Variants in ZBTB20 observed in about 807,000 individuals in gnomAD.
The protein encoded by ZBTB20 is zinc finger and BTB domain-containing protein 20.
Under a neutral mutation model 56.9 loss-of-function variants are expected in ZBTB20, and 9 were observed. The ratio of observed to expected loss-of-function variants is 0.16; its 90% CI spans 0.10 to 0.28. The LOEUF (loss-of-function observed/expected upper bound fraction) is 0.28. Ranked by LOEUF, ZBTB20 falls within the 10% of genes least tolerant of loss-of-function variation. The pLI is 1.00. For missense variants in ZBTB20, 655 were observed against 1,003.0 expected, an observed-to-expected ratio of 0.65 and a Z score of 4.69; for synonymous variants, 417 against 420.7, an observed-to-expected ratio of 0.99 and a Z score of 0.11.
At chr3:114,383,994 G>A (rs971897552) in intron 8 of ZBTB20, among the ~76,000 whole-genome samples, 2 of 152,132 alleles carry the variant, frequency 1.3e-5, no homozygotes, top group Admixed American at 6.5e-5. Context: ...TGACTCCAGC[G>A]GATTTCAGAG....
At chr3:114,719,313 T>C (rs1446371909) in intron 5 of ZBTB20, among the ~76,000 whole-genome samples, 4 of 152,192 alleles carry the variant, frequency 2.6e-5, no homozygotes, top group Admixed American at 1.3e-4. Flanking sequence ...TATGAATCCA[T>C]TGATAATGGC....
rs1230838239 is a variant in ZBTB20, at chr3:114,969,738, GTATGT to G, written c.-456+4623_-456+4627del. Among the ~76,000 whole-genome samples the G allele has an allele frequency of 5.9e-5, 9 of 152,258 alleles. No individual in the cohort carries two copies. In the East Asian group the frequency reaches 7.7e-4, roughly 13 times the overall value. On this transcript the variant is annotated intron_variant, in intron 3 of 11. Transcript: ENST00000675478. Reference sequence around the variant, plus strand: ...ATTCAGTTATAAGAAAGTATAATATGTATGTTATAACAGTAAAATTATAGATTTTT... The same window carrying G: ...ATTCAGTTATAAGAAAGTATAATATGTATAACAGTAAAATTATAGATTTTT...
chr3:114,820,322 A>T (rs931400542), intron 4 of ZBTB20, among the ~76,000 whole-genome samples: 2 of 152,038 alleles, frequency 1.3e-5, no homozygotes, highest in Non-Finnish European at 2.9e-5. Context: ...AATAAAATTA[A>T]TGCTAAGTGA....
intron 3 of ZBTB20, among the ~76,000 whole-genome samples, chr3:114,966,087 T>C (rs1180632429): frequency 1.3e-5 from 2 of 152,186 alleles, no homozygotes; most frequent in African/African-American, 4.8e-5. Context: ...AAAAAGACTT[T>C]CTACAGCTTA....
chr3:115,108,100 C>T (rs1293535598), intron 1 of ZBTB20, among the ~76,000 whole-genome samples: 3 of 151,538 alleles, frequency 2.0e-5, no homozygotes, highest in Non-Finnish European at 1.5e-5. Flanking sequence ...ACACGTATAC[C>T]TATGTAACAA....
In ZBTB20 at chr3:114,521,308, G is replaced by A. The variant is rs190404362; in HGVS notation, c.-294-20917C>T. 5.3e-4 allele frequency among the ~76,000 whole-genome samples: 80 copies of A among 152,204 alleles called. No homozygotes were observed. In the Middle Eastern group the frequency reaches 0.01, roughly 19 times the overall value. ...AATGATTTTGCCAAGGTCACCAGTA[G>A]ACACACTGAATGTTTTTATAGTCAC... is the stretch of plus-strand genomic sequence containing the variant. On this transcript the variant is annotated intron_variant, in intron 6 of 11. Coordinates refer to ENST00000675478, the MANE Select transcript of ZBTB20 (RefSeq NM_001348800.3).
At chr3:114,682,513 C>T (rs1378644645) in intron 6 of ZBTB20, among the ~76,000 whole-genome samples, 2 of 152,164 alleles carry the variant, frequency 1.3e-5, no homozygotes, top group African/African-American at 2.4e-5. Context: ...CTCTTCATCT[C>T]TAACCTACTG....
intron 10 of ZBTB20, among the ~76,000 whole-genome samples, chr3:114,356,657 T>C (rs2081284755): frequency 6.6e-6 from 1 of 152,158 alleles, no homozygotes; most frequent in South Asian, 2.1e-4. Context: ...CTTGCCAAGT[T>C]AGTCACACTA....
intron 1 of ZBTB20, among the ~76,000 whole-genome samples, chr3:115,072,245 T>C (rs1368292032): frequency 6.6e-6 from 1 of 152,174 alleles, no homozygotes; most frequent in Non-Finnish European, 1.5e-5. Flanking sequence ...TGAAGCTCTA[T>C]ATCACCCCAG....
chr3:114,403,852 C>A (rs1166100516), intron 7 of ZBTB20, among the ~76,000 whole-genome samples: 1 of 151,930 alleles, frequency 6.6e-6, no homozygotes, highest in Non-Finnish European at 1.5e-5. Context: ...TATGTGGGTC[C>A]CCAGCCACGT....
Position 114,500,199 on chromosome 3 carries a change from A to G in ZBTB20, c.-255+153T>C, listed in dbSNP as rs564718038. 3.7e-4 allele frequency among the ~76,000 whole-genome samples: 56 copies of G among 152,354 alleles called. 1 individual carries two copies. The highest frequency in any genetic ancestry group is 3.1e-3 in the Admixed American group (47 of 15,300). On this transcript the variant is annotated intron_variant, in intron 7 of 11. Transcript: ENST00000675478. Reference sequence around the variant, plus strand: ...GGATAGCAACTTAGTATTACCACCAACAGCATACACTCCAAACGCAAAAGA... The same window carrying G: ...GGATAGCAACTTAGTATTACCACCAGCAGCATACACTCCAAACGCAAAAGA...
At position 114,350,485 on chromosome 3, in the gene ZBTB20, G is replaced by A; in HGVS notation, c.1593C>T (p.Pro531=). Residue 531 remains proline (P), a synonymous_variant, in exon 11 of 12, where the codon CCC becomes CCT. Transcript: ENST00000675478. ...CAAACTGGGTCTGCTGGCCTGCCAGGGGCTGTGGCAGGCTGAAGAGGAAAG... is the reference window on the plus strand; with the variant it reads ...CAAACTGGGTCTGCTGGCCTGCCAGAGGCTGTGGCAGGCTGAAGAGGAAAG... The part of the protein sequence containing the change: ...PKPFLFSLPQ[P]LAGQQTQFVT... The A allele has an allele frequency of 6.2e-7, 1 of 1,614,136 alleles. No homozygotes were observed. The highest frequency in any genetic ancestry group is 8.5e-7 in the Non-Finnish European group (1 of 1,180,028).
intron 2 of ZBTB20, among the ~76,000 whole-genome samples, chr3:114,990,906 G>C (rs2078777074): frequency 6.6e-6 from 1 of 152,104 alleles, no homozygotes; most frequent in Admixed American, 6.5e-5. Flanking sequence ...GGTGTTTATA[G>C]TATTCTCTGA....
intron 4 of ZBTB20, among the ~76,000 whole-genome samples, chr3:114,831,087 CTTTTTTTTTTTTTTT>C (rs57265260): frequency 5.4e-5 from 3 of 55,550 alleles, no homozygotes; most frequent in Admixed American, 3.0e-4. Context: ...TTTCTTTCTT[CTTTTTTTTTTTTTTT>C]TTTTTTTTTT....
chr3:115,094,327 A>G (rs1350254152), intron 1 of ZBTB20, among the ~76,000 whole-genome samples: 2 of 152,074 alleles, frequency 1.3e-5, no homozygotes, highest in African/African-American at 4.8e-5. Flanking sequence ...AAGAAAAAAA[A>G]ACAAAAAATT....
At chr3:114,391,480 G>A (rs1380330287) in intron 7 of ZBTB20, among the ~76,000 whole-genome samples, 1 of 152,156 alleles carries the variant, frequency 6.6e-6, no homozygotes. Context: ...TCACAAAGGA[G>A]AGTGCCCTTC....
intron 4 of ZBTB20, among the ~76,000 whole-genome samples, chr3:114,871,368 CT>C (rs1420609098): frequency 2.6e-5 from 4 of 152,150 alleles, no homozygotes; most frequent in Admixed American, 2.0e-4. Flanking sequence ...TCTCTGCCTT[CT>C]TAGATACTCT....
intron 3 of ZBTB20, among the ~76,000 whole-genome samples, chr3:114,951,642 AG>A (rs964016950): frequency 6.6e-6 from 1 of 152,112 alleles, no homozygotes; most frequent in Non-Finnish European, 1.5e-5. Flanking sequence ...GAACCTAACC[AG>A]GTCAATTGCC....
At chr3:115,002,063 G>T (rs1295337515) in intron 2 of ZBTB20, among the ~76,000 whole-genome samples, 3 of 151,494 alleles carry the variant, frequency 2.0e-5, no homozygotes, top group Non-Finnish European at 4.4e-5. Flanking sequence ...GAACAGAAGA[G>T]AGAGGCCAGA....
Sources: allele counts gnomAD v4.1 joint callset (sites outside exome capture counted in the v4.1 genomes callset), GRCh38; gene constraint gnomAD v4.1.1; transcripts MANE v1.5; gene names NCBI Gene and HGNC (gene_info 2026-07-23, HGNC 2026-07-21).